Variants in USP40 observed in about 807,000 individuals in gnomAD.
USP40 encodes ubiquitin carboxyl-terminal hydrolase 40.
USP40 carries 143 observed loss-of-function variants against 166.2 expected under a neutral mutation model. The observed-to-expected ratio is 0.86, with a 90% CI of 0.75 to 0.99. USP40 has a LOEUF of 0.99. Ranked by LOEUF, USP40 falls within the 50% of genes least tolerant of loss-of-function variation. The pLI is 0.00. For synonymous variants in USP40, 498 were observed against 524.0 expected (o/e 0.95, Z 0.68); for missense variants, 1,444 against 1,479.7 (o/e 0.98, Z 0.40).
chr2:233,497,256 G>GA (rs2065803887), intron 23 of USP40, among the ~76,000 whole-genome samples: 1 of 152,202 alleles, frequency 6.6e-6, no homozygotes, highest in Admixed American at 6.5e-5. Context: ...GATTCGAGTG[G>GA]AAAGTACCAG....
intron 8 of USP40, among the ~76,000 whole-genome samples, chr2:233,547,709 T>C (rs1328611250): frequency 6.6e-6 from 1 of 152,202 alleles, no homozygotes; most frequent in East Asian, 1.9e-4. Context: ...AATTCTTTTT[T>C]TGAGAAATAT....
chr2:233,564,127 G>T (rs1175563602), intron 2 of USP40, among the ~76,000 whole-genome samples: 2 of 152,118 alleles, frequency 1.3e-5, no homozygotes, highest in Non-Finnish European at 2.9e-5. Flanking sequence ...AATCCCACAT[G>T]CAATCCAACC....
intron 8 of USP40, among the ~76,000 whole-genome samples, chr2:233,544,305 G>A (rs926691389): frequency 1.3e-5 from 2 of 150,946 alleles, no homozygotes; most frequent in African/African-American, 2.4e-5. Flanking sequence ...GTGGAGTCGC[G>A]GTGGCCACCC....
intron 4 of USP40, 55 bp downstream of exon 4, chr2:233,559,756 C>T (rs1467392467): frequency 3.1e-6 from 4 of 1,286,686 alleles, no homozygotes; most frequent in Non-Finnish European, 4.3e-6. Context: ...ATTAAACCAG[C>T]CTTATTCTTT....
At chr2:233,531,880 A>C (rs1390276187) in intron 11 of USP40, among the ~76,000 whole-genome samples, 1 of 152,198 alleles carries the variant, frequency 6.6e-6, no homozygotes, top group East Asian at 1.9e-4. Context: ...ACTAGGCCTC[A>C]TGCCTGTAAT....
In USP40 at chr2:233,486,820, G is replaced by A. The variant is rs2064978601; in HGVS notation, c.3198-843C>T. 6.6e-6 allele frequency among the ~76,000 whole-genome samples: 1 copy of A among 152,344 alleles called. No homozygotes were observed. Among genetic ancestry groups the A allele is most frequent in the South Asian group, 2.1e-4 (1 of 4,826 alleles). ...TGCACAGCCCCATGTCCCCATGGGG[G>A]AGGGGGCTGCTGGCCAGGGAGTGAG... is the stretch of plus-strand genomic sequence containing the variant. On this transcript the variant is annotated intron_variant, in intron 28 of 31. Coordinates refer to ENST00000678225, the MANE Select transcript of USP40 (RefSeq NM_001365479.2). The surrounding 1 kb of genome is among the most constrained non-coding windows in gnomAD (Gnocchi z 4.0).
chr2:233,554,877 T>A (rs1002851095), intron 5 of USP40, among the ~76,000 whole-genome samples: 1 of 152,188 alleles, frequency 6.6e-6, no homozygotes, highest in South Asian at 2.1e-4. Context: ...TAGACTAGAC[T>A]ATAAGAGCAA....
At chr2:233,547,669 C>T (rs1186600029) in intron 8 of USP40, among the ~76,000 whole-genome samples, 2 of 152,150 alleles carry the variant, frequency 1.3e-5, no homozygotes. Context: ...AACTAGACAC[C>T]GGTTAGCACT....
At chr2:233,528,560 AT>A (rs1432129883) in intron 12 of USP40, among the ~76,000 whole-genome samples, 2 of 152,038 alleles carry the variant, frequency 1.3e-5, no homozygotes, top group Non-Finnish European at 2.9e-5. Flanking sequence ...TCTGCCTTTT[AT>A]TTTTTTATTT....
chr2:233,499,945 TTTTCTG>T (rs765294082), intron 21 of USP40, 30 bp from the exon 22 acceptor site: 2 of 1,604,990 alleles, frequency 1.2e-6, no homozygotes, highest in Non-Finnish European at 1.7e-6. Context: ...CCAATGTTAG[TTTTCTG>T]TTTCTGAGTT....
chr2:233,477,358 A>G lies in USP40; in HGVS notation c.*34T>C. On this transcript the variant is annotated 3_prime_UTR_variant, in exon 32 of 32. Coordinates refer to ENST00000678225, the MANE Select transcript of USP40 (RefSeq NM_001365479.2). ...CCCACGTTTGTGGCATCAGCCGGAG[A>G]GTTCATCGGGAGTAGAGCCGTGCAG... 6.3e-7 allele frequency: 1 copy of G among 1,598,582 alleles called. No homozygotes were observed. Among genetic ancestry groups the G allele is most frequent in the Non-Finnish European group, 8.6e-7 (1 of 1,168,382 alleles).
In USP40 at chr2:233,565,541, AG is replaced by A; in HGVS notation, c.13del (p.Leu5CysfsTer20). 1 of 1,537,212 alleles carries A rather than the reference AG, an allele frequency of 6.5e-7. No individual in the cohort carries two copies. The highest frequency in any genetic ancestry group is 8.7e-7 in the Non-Finnish European group (1 of 1,146,812). ...CACAGTGGAATACTCCTCTTCAAAC[AG>A]GTCCCCAAACATTGTGAAACTAAAT... MFGD[L>X]FEEEYSTVSN... On this transcript the variant is annotated frameshift_variant, in exon 2 of 32. Transcript: ENST00000678225. LOFTEE classifies it high-confidence loss of function.
chr2:233,486,646 A>G lies in USP40; in HGVS notation c.3198-669T>C, dbSNP rs76693813. 0.055 allele frequency among the ~76,000 whole-genome samples: 8,351 copies of G among 152,282 alleles called. 621 individuals carry two copies. The highest frequency in any genetic ancestry group is 0.17 in the African/African-American group (6,905 of 41,522). ...AGACTGGTTCTTAGGATGCTGAGAC[A>G]ATGAATGATTTTTAGATGTACTTCT... is the stretch of plus-strand genomic sequence containing the variant. On this transcript the variant is annotated intron_variant, in intron 28 of 31. Transcript: ENST00000678225. The surrounding 1 kb of genome is among the most constrained non-coding windows in gnomAD (Gnocchi z 4.0).
Position 233,488,287 on chromosome 2 carries a change from C to T in USP40, c.3149G>A (p.Arg1050Gln), listed in dbSNP as rs753518746. 12 of 1,601,298 alleles carry T rather than the reference C, an allele frequency of 7.5e-6. No individual in the cohort carries two copies. Among genetic ancestry groups the T allele is most frequent in the African/African-American group, 5.3e-5 (4 of 74,918 alleles). The change falls in exon 28 of 32, where the codon CGG (arginine) becomes CAG (glutamine). Residue 1050 changes from arginine (R) to glutamine (Q), a missense_variant. Arg to Gln is a conservative substitution (Grantham distance 43). Transcript: ENST00000678225. ...GGGCTCTAAGCAGATCTCAATTCTC[C>T]GTCCTAGTTTATATTCCCTGATAAT... ...RQPLREYKLGRRIEICLEPLQ... is the reference protein window; with the variant it reads ...RQPLREYKLGQRIEICLEPLQ...
chr2:233,512,517 A>G, intron 19 of USP40, 52 bp downstream of exon 19: 1 of 1,329,302 alleles, frequency 7.5e-7, no homozygotes, highest in South Asian at 1.5e-5. Context: ...CTATTTATCA[A>G]GAAAGACAGA....
chr2:233,555,415 C>A (rs2070983357), intron 5 of USP40, among the ~76,000 whole-genome samples: 1 of 152,110 alleles, frequency 6.6e-6, no homozygotes, highest in African/African-American at 2.4e-5. Flanking sequence ...GAAAATAGGG[C>A]ACTTGTTAAC....
In USP40 at chr2:233,491,192, G is replaced by A. The variant is rs745850338; in HGVS notation, c.2987C>T (p.Ala996Val). The change falls in exon 26 of 32, where the codon GCC becomes GTC. Residue 996 changes from alanine (A) to valine (V), a missense_variant. Ala to Val is a moderately conservative substitution (Grantham distance 64). Transcript: ENST00000678225. ...YLGDIEISED[A>V]TLAELKSQAM... ...CTGAGACTTCAGCTCCGCCAGCGTGGCATCTTCTGAGATCTCTATGTCTCC... is the reference window on the plus strand; with the variant it reads ...CTGAGACTTCAGCTCCGCCAGCGTGACATCTTCTGAGATCTCTATGTCTCC... 35 of 1,610,358 alleles carry A rather than the reference G, an allele frequency of 2.2e-5. No homozygotes were observed. In the South Asian group the frequency reaches 3.3e-4, roughly 15 times the overall value.
At position 233,486,321 on chromosome 2, in the gene USP40, C is replaced by T. The variant is rs2064944877; in HGVS notation, c.3198-344G>A. On this transcript the variant is annotated intron_variant, in intron 28 of 31. Transcript: ENST00000678225. This position sits in a 1 kb window ranked among gnomAD's most constrained non-coding sequence, Gnocchi z 4.0. ...GGGTGAGAGAGGCCTGGCTTGATAG[C>T]CCGGCAGCTGGCAGGAGGAGAGCGG... Among the ~76,000 whole-genome samples the T allele has an allele frequency of 6.6e-6, 1 of 152,142 alleles. No homozygotes were observed. The highest frequency in any genetic ancestry group is 2.4e-5 in the African/African-American group (1 of 41,430).
At position 233,556,946 on chromosome 2, in the gene USP40, G is replaced by C. The variant is rs2125382470; in HGVS notation, c.455C>G (p.Thr152Ser). Residue 152 changes from threonine (T) to serine (S), a missense_variant, in exon 5 of 32, where the codon ACC becomes AGC. Thr to Ser is a moderately conservative substitution (Grantham distance 58). Coordinates refer to ENST00000678225, the MANE Select transcript of USP40 (RefSeq NM_001365479.2). ...FSALETSLVG[T>S]SGHDLIYRLY... is the part of the protein sequence containing the mutation. ...ACGATAGATGAGGTCATGACCGGAG[G>C]TCCCAACTAAAGAAGTTTCCAAAGC... The C allele has an allele frequency of 6.2e-7, 1 of 1,613,918 alleles. No homozygotes were observed. Among genetic ancestry groups the C allele is most frequent in the East Asian group, 2.2e-5 (1 of 44,862 alleles).
Sources: gnomAD v4.1 joint callset for allele counts (sites outside exome capture counted in the v4.1 genomes callset) on GRCh38, gnomAD v4.1.1 for gene constraint, Gnocchi (gnomAD v3.1) non-coding constraint, MANE v1.5 for transcripts, NCBI Gene and HGNC (gene_info 2026-07-23, HGNC 2026-07-21) for gene names.